Variants in FGF14 observed in about 807,000 individuals in gnomAD.
The protein encoded by FGF14 is fibroblast growth factor 14, also known as fibroblast growth factor homologous factor 4.
FGF14 carries 5 observed loss-of-function variants against 25.5 expected under a neutral mutation model. The ratio of observed to expected loss-of-function variants is 0.20; its 90% CI spans 0.10 to 0.41. FGF14 has a LOEUF of 0.41. FGF14 is among the 10% of genes least tolerant of loss of function. The probability of loss-of-function intolerance (pLI) is 1.00; values close to 1 mark genes in which losing one functional copy is unlikely to be tolerated. For missense variants in FGF14, 222 were observed against 320.1 expected (o/e 0.69, Z 2.34); for synonymous variants, 138 against 118.3 (o/e 1.17, Z -1.08).
At chr13:101,827,084 GAGAA>G (rs1313810261) in intron 3 of FGF14, among the ~76,000 whole-genome samples, 1 of 151,954 alleles carries the variant, frequency 6.6e-6, no homozygotes, top group Non-Finnish European at 1.5e-5. Context: ...CCAGCTAGAA[GAGAA>G]AGAAATTTCT....
At chr13:102,365,027 A>C (rs16960108) in intron 1 of FGF14, among the ~76,000 whole-genome samples, 9,275 of 152,064 alleles carry the variant, frequency 0.061, 865 homozygotes, top group African/African-American at 0.2. Flanking sequence ...CGCTCTTGCT[A>C]TTTTTTGTCT....
At position 102,400,367 on chromosome 13, in the gene FGF14, G is replaced by T. The variant is rs2058674485; in HGVS notation, c.208+1104C>A. Among the ~76,000 whole-genome samples, 1 of 152,156 alleles carries T rather than the reference G, an allele frequency of 6.6e-6. No homozygotes were observed. The highest frequency in any genetic ancestry group is 1.5e-5 in the Non-Finnish European group (1 of 68,018). ...TCAGACACAACCCCAGACAAAAACA[G>T]CCGGCCCCGGGTCCCTCTCCACCCT... On this transcript the variant is annotated intron_variant, in intron 1 of 4. Transcript: ENST00000376131. The surrounding 1 kb of genome is among the most constrained non-coding windows in gnomAD (Gnocchi z 4.3).
At chr13:102,161,627 AGAAGAAGAAGAAGAAGAAGAAGAAG>A (rs2047706482) in intron 1 of FGF14, among the ~76,000 whole-genome samples, 1 of 20,848 alleles carries the variant, frequency 4.8e-5, no homozygotes, top group Non-Finnish European at 7.4e-5. Context: ...AAGAAGAAGA[AGAAGAAGAAGAAGAAGAAGAAGAAG>A]AAGAAGAAGA....
chr13:102,046,239 T>TATATCAATATCATA (rs2041977408), intron 1 of FGF14, among the ~76,000 whole-genome samples: 1 of 152,100 alleles, frequency 6.6e-6, no homozygotes, highest in Non-Finnish European at 1.5e-5. Context: ...ATTATTAACA[T>TATATCAATATCATA]GAAAACCATA....
At chr13:102,165,316 T>C (rs2047951669) in intron 1 of FGF14, among the ~76,000 whole-genome samples, 1 of 151,996 alleles carries the variant, frequency 6.6e-6, no homozygotes, top group Non-Finnish European at 1.5e-5. Context: ...CATTACTGGG[T>C]ATATACCCAA....
At position 101,738,319 on chromosome 13, in the gene FGF14, G is replaced by A. The variant is rs190054118; in HGVS notation, c.409-11509C>T. Among the ~76,000 whole-genome samples, 30 of 152,048 alleles carry A rather than the reference G, an allele frequency of 2.0e-4. No homozygotes were observed. The East Asian group carries it at 5.2e-3, about 26-fold the overall frequency. On this transcript the variant is annotated intron_variant, in intron 3 of 4. Coordinates refer to ENST00000376143, the MANE Select transcript of FGF14 (RefSeq NM_004115.4). ...AAAGGGGTTTAATTTTTTCCCCAGG[G>A]CACCAAATAAATCATCTTACTGGGA...
intron 3 of FGF14, among the ~76,000 whole-genome samples, chr13:101,737,744 T>C (rs1423749969): frequency 6.6e-6 from 1 of 152,130 alleles, no homozygotes; most frequent in Non-Finnish European, 1.5e-5. Flanking sequence ...TCCATACGCT[T>C]CTCTCCTTAG....
At chr13:101,980,164 A>C (rs2038160582) in intron 1 of FGF14, among the ~76,000 whole-genome samples, 1 of 152,250 alleles carries the variant, frequency 6.6e-6, no homozygotes, top group Admixed American at 6.5e-5. Context: ...TTATTTCATA[A>C]ACAGATAAAT....
intron 3 of FGF14, among the ~76,000 whole-genome samples, chr13:101,825,839 A>G (rs2042369798): frequency 6.6e-6 from 1 of 152,166 alleles, no homozygotes; most frequent in East Asian, 1.9e-4. Flanking sequence ...AAATAACATT[A>G]GAAGTATCCC....
chr13:101,982,603 T>G (rs2038334472), intron 1 of FGF14, among the ~76,000 whole-genome samples: 1 of 152,142 alleles, frequency 6.6e-6, no homozygotes, highest in African/African-American at 2.4e-5. Context: ...TATCTAAGAG[T>G]GCAAATTTGC....
chr13:102,269,929 G>A (rs977648715), intron 1 of FGF14, among the ~76,000 whole-genome samples: 7 of 152,148 alleles, frequency 4.6e-5, no homozygotes, highest in African/African-American at 1.2e-4. Flanking sequence ...GCCTGACCAG[G>A]AGCTTTGCAT....
At chr13:102,137,625 T>C (rs2046468134) in intron 1 of FGF14, among the ~76,000 whole-genome samples, 1 of 152,198 alleles carries the variant, frequency 6.6e-6, no homozygotes, top group Non-Finnish European at 1.5e-5. Context: ...TCTTGTTTAC[T>C]TTCCAGGCAT....
intron 1 of FGF14, among the ~76,000 whole-genome samples, chr13:102,068,959 G>A (rs2043032787): frequency 6.6e-6 from 1 of 152,178 alleles, no homozygotes; most frequent in East Asian, 1.9e-4. Flanking sequence ...GACGTGGAGA[G>A]TCTTTATGTC....
intron 1 of FGF14, among the ~76,000 whole-genome samples, chr13:101,893,406 G>C (rs1353786181): frequency 6.6e-6 from 1 of 152,150 alleles, no homozygotes; most frequent in Non-Finnish European, 1.5e-5. Flanking sequence ...CTTTGCTGTG[G>C]TGGAGAGAAC....
chr13:101,770,355 A>T (rs2038695450), intron 3 of FGF14, among the ~76,000 whole-genome samples: 1 of 152,138 alleles, frequency 6.6e-6, no homozygotes, highest in Non-Finnish European at 1.5e-5. Flanking sequence ...GTGAGACTAC[A>T]AAACACAAAC....
At chr13:102,061,348 C>T (rs1047070394) in intron 1 of FGF14, among the ~76,000 whole-genome samples, 2 of 152,174 alleles carry the variant, frequency 1.3e-5, no homozygotes, top group Admixed American at 6.5e-5. Flanking sequence ...CTCTAGATGC[C>T]GCCGTGGGGC....
chr13:102,006,727 CTTTTTTTT>C (rs774872814), intron 1 of FGF14, among the ~76,000 whole-genome samples: 4 of 61,962 alleles, frequency 6.5e-5, no homozygotes, highest in Non-Finnish European at 8.2e-5. Context: ...AATCTTACTT[CTTTTTTTT>C]TTTTTTTTTT....
rs1319881684 is a variant in FGF14, at chr13:101,721,803, T to C, written c.*1028A>G. ...GGTTCATTAAAAACAGGACGGAGTA[T>C]ATCTGAAATGGATTTAGGTAGCGCA... On this transcript the variant is annotated 3_prime_UTR_variant, in exon 5 of 5. Transcript: ENST00000376143. The C allele has an allele frequency of 6.6e-6, 1 of 151,804 alleles. No individual in the cohort carries two copies. Among genetic ancestry groups the C allele is most frequent in the Non-Finnish European group, 1.5e-5 (1 of 67,970 alleles). 9.4% of individuals were successfully genotyped at this position (151,804 alleles called of 1,614,324 possible).
chr13:101,716,155 A>G lies in FGF14; in HGVS notation c.*6676T>C, dbSNP rs1295347019. ...CACAAGAAAGACCATATTAGAATCTAAGGAAAACATGCATATTCACATTAA... is the reference window on the plus strand; with the variant it reads ...CACAAGAAAGACCATATTAGAATCTGAGGAAAACATGCATATTCACATTAA... On this transcript the variant is annotated 3_prime_UTR_variant, in exon 5 of 5. Coordinates refer to ENST00000376143, the MANE Select transcript of FGF14 (RefSeq NM_004115.4). The G allele has an allele frequency of 2.6e-5, 4 of 152,354 alleles. No homozygotes were observed. Among genetic ancestry groups the G allele is most frequent in the Non-Finnish European group, 5.9e-5 (4 of 68,150 alleles). 9.4% of individuals were successfully genotyped at this position (152,354 alleles called of 1,614,324 possible). A position where few individuals can be genotyped will look rare whatever the true frequency, so the allele number is the denominator to read the frequency against.
Sources: gnomAD v4.1 joint callset for allele counts (sites outside exome capture counted in the v4.1 genomes callset) on GRCh38, gnomAD v4.1.1 for gene constraint, Gnocchi (gnomAD v3.1) non-coding constraint, MANE v1.5 for transcripts, NCBI Gene and HGNC (gene_info 2026-07-23, HGNC 2026-07-21) for gene names.